The following HTT variants were observed in gnomAD, a reference collection of about 807,000 sequenced individuals.
HTT encodes huntingtin, also known as huntington disease protein.
Under a neutral mutation model 362.3 loss-of-function variants are expected in HTT, and 104 were observed. That is an observed-to-expected ratio of 0.29 (90% confidence interval 0.24 to 0.34). The LOEUF (loss-of-function observed/expected upper bound fraction) is 0.34. Ranked by LOEUF, HTT falls within the 10% of genes least tolerant of loss-of-function variation. HTT has a pLI of 1.00. For synonymous variants in HTT, 1,577 were observed against 1,548.7 expected (o/e 1.02, Z -0.43); for missense variants, 3,301 against 3,928.6 (o/e 0.84, Z 4.27).
At chr4:3,179,428 T>C (rs1718391807) in intron 35 of HTT, among the ~76,000 whole-genome samples, 1 of 152,052 alleles carries the variant, frequency 6.6e-6, no homozygotes, top group Non-Finnish European at 1.5e-5. Flanking sequence ...GGTCAGAGAG[T>C]ATACCCATGC....
intron 29 of HTT, among the ~76,000 whole-genome samples, chr4:3,163,474 T>C (rs1197814910): frequency 6.6e-6 from 1 of 152,216 alleles, no homozygotes; most frequent in Non-Finnish European, 1.5e-5. Flanking sequence ...TCTTTTTCTA[T>C]TGATTGGAAT....
chr4:3,179,605 G>T (rs1358165937), intron 35 of HTT, among the ~76,000 whole-genome samples: 1 of 150,508 alleles, frequency 6.6e-6, no homozygotes. Context: ...GTGTGTGTAC[G>T]TGTGTGTGTG....
chr4:3,089,367 C>T (rs1713383179), intron 2 of HTT, among the ~76,000 whole-genome samples: 1 of 152,194 alleles, frequency 6.6e-6, no homozygotes, highest in Admixed American at 6.5e-5. Flanking sequence ...TATTCTCCTG[C>T]CCCAGCCTCC....
chr4:3,175,004 A>T lies in HTT; in HGVS notation c.4304A>T (p.Gln1435Leu). 1.2e-6 allele frequency: 2 copies of T among 1,612,636 alleles called. No homozygotes were observed. The highest frequency in any genetic ancestry group is 1.7e-6 in the Non-Finnish European group (2 of 1,178,722). The change falls in exon 33 of 67, where the codon CAG becomes CTG. Residue 1435 changes from glutamine to leucine, a missense_variant. By Grantham distance (113) the Gln-to-Leu change is moderately radical. Around this residue, in one of 4 missense-constraint regions of HTT, gnomAD observed 2,316 missense variants for 2,658.5 expected, o/e 0.87. Coordinates refer to ENST00000355072, the MANE Select transcript of HTT (RefSeq NM_001388492.1). ...FEPLVIKALK[Q>L]YTTTTCVQLQ... Reference sequence around the variant, plus strand: ...CCTCTTGTTATAAAAGCTTTAAAACAGTACACGACTACAACATGTGTGCAG... The same window carrying T: ...CCTCTTGTTATAAAAGCTTTAAAACTGTACACGACTACAACATGTGTGCAG...
chr4:3,176,025 G>GTTTTTTTTTT lies in HTT; in HGVS notation c.4407+927_4407+928insTTTTTTTTTT, dbSNP rs777646822. The stretch of plus-strand genomic sequence containing the variant: ...CTTGTTTTTTTTGTTGTTGTTGTTT[G>GTTTTTTTTTT]TTTTTTTTTGTTTTTTTTTTGAGAT... On this transcript the variant is annotated intron_variant, in intron 33 of 66. Transcript: ENST00000355072. Among the ~76,000 whole-genome samples the GTTTTTTTTTT allele has an allele frequency of 5.4e-4, 75 of 139,172 alleles. 4 individuals are homozygous for GTTTTTTTTTT. Among genetic ancestry groups the GTTTTTTTTTT allele is most frequent in the African/African-American group, 1.8e-3 (60 of 33,736 alleles). The allele number at this position is 139,172 out of a possible 152,430, so 91.3% of individuals were successfully genotyped here. A position where few individuals can be genotyped will look rare whatever the true frequency, so the allele number is the denominator to read the frequency against.
rs372086384 is a variant in HTT at position 3,107,413 on chromosome 4, A to G, written c.737A>G (p.Asn246Ser). The G allele has an allele frequency of 1.3e-5, 21 of 1,614,084 alleles. No homozygotes were observed. Among genetic ancestry groups the G allele is most frequent in the Middle Eastern group, 1.6e-4 (1 of 6,084 alleles). Residue 246 changes from asparagine (N) to serine (S), a missense_variant, in exon 6 of 67, where the codon AAT (asparagine) becomes AGT (serine). Physicochemically the swap from Asn to Ser is conservative, Grantham distance 46 (BLOSUM62 1). This residue lies in a region of HTT where 2,316 missense variants were observed against 2,658.5 expected (regional missense o/e 0.87). Transcript: ENST00000355072. ...TCTTTTGGCAATTTTGCAAATGACA[A>G]TGAAATTAAGGTATGATTGTTGCCT... ...MASFGNFANDNEIKVLLKAFI... is the reference protein window; with the variant it reads ...MASFGNFANDSEIKVLLKAFI...
chr4:3,212,773 G>GT, intron 49 of HTT, 64 bp downstream of exon 49: 1 of 1,547,116 alleles, frequency 6.5e-7, no homozygotes, highest in South Asian at 1.1e-5. Flanking sequence ...ACACTGAAGA[G>GT]GGTAAAGCAG....
chr4:3,188,909 G>T (rs1375833394), intron 39 of HTT, 42 bp from the exon 40 acceptor site: 8 of 1,594,462 alleles, frequency 5.0e-6, no homozygotes, highest in Non-Finnish European at 6.9e-6. Context: ...GTGCTTTATA[G>T]TAGTCACCTA....
At chr4:3,208,299 G>A (rs946735530) in intron 45 of HTT, among the ~76,000 whole-genome samples, 1 of 152,120 alleles carries the variant, frequency 6.6e-6, no homozygotes, top group Non-Finnish European at 1.5e-5. Flanking sequence ...TCCAGATGAG[G>A]GAGATTAAAA....
In HTT at chr4:3,131,719, C is replaced by T. The variant is rs772494183; in HGVS notation, c.2180C>T (p.Pro727Leu). Reference protein sequence around the residue: ...SCVGAAVALHPESFFSKLYKV... With the variant: ...SCVGAAVALHLESFFSKLYKV... ...GTGGGAGCAGCTGTGGCCCTCCACCCGGAATCTTTCTTCAGCAAACTCTAT... is the reference window on the plus strand; with the variant it reads ...GTGGGAGCAGCTGTGGCCCTCCACCTGGAATCTTTCTTCAGCAAACTCTAT... Residue 727 changes from proline to leucine, a missense_variant, in exon 16 of 67, where the codon CCG (proline) becomes CTG (leucine). Physicochemically the swap from Pro to Leu is moderately conservative, Grantham distance 98. Coordinates refer to ENST00000355072, the MANE Select transcript of HTT (RefSeq NM_001388492.1). The T allele has an allele frequency of 2.0e-5, 32 of 1,614,038 alleles. No homozygotes were observed. The highest frequency in any genetic ancestry group is 2.5e-5 in the Non-Finnish European group (29 of 1,179,942).
chr4:3,119,084 A>T (rs1203929257), intron 8 of HTT, among the ~76,000 whole-genome samples: 1 of 152,274 alleles, frequency 6.6e-6, no homozygotes, highest in Non-Finnish European at 1.5e-5. Flanking sequence ...ATTGAAAAAT[A>T]GAGGAAGCCC....
At chr4:3,113,055 A>G (rs559291522) in intron 6 of HTT, 12 of 965,300 alleles carry the variant, frequency 1.2e-5, no homozygotes, top group African/African-American at 3.5e-5. Flanking sequence ...TCTTACAGGT[A>G]TGTTGTGCAT....
chr4:3,226,273 C>T (rs755262906), intron 57 of HTT, among the ~76,000 whole-genome samples: 1 of 152,158 alleles, frequency 6.6e-6, no homozygotes, highest in Non-Finnish European at 1.5e-5. Context: ...TAGCAGGTCA[C>T]ATTGGTCTGT....
chr4:3,094,793 G>T (rs901992878), intron 2 of HTT, among the ~76,000 whole-genome samples: 7 of 149,200 alleles, frequency 4.7e-5, no homozygotes, highest in African/African-American at 7.4e-5. Flanking sequence ...GGGCGGAGGG[G>T]CTCCTCACTT....
At chr4:3,151,592 G>T (rs374981031) in intron 26 of HTT, among the ~76,000 whole-genome samples, 93 of 152,274 alleles carry the variant, frequency 6.1e-4, no homozygotes, top group African/African-American at 2.2e-3. Context: ...CCATATCAGA[G>T]CATGAACCCT....
chr4:3,238,730 G>GCCCCCCCCCCCCCCCCCCCCCCCCCCCCC, intron 65 of HTT, 88 bp from the exon 66 acceptor site: 2 of 1,097,038 alleles, frequency 1.8e-6, no homozygotes, highest in Non-Finnish European at 1.3e-6. Context: ...AATGCCTCTG[G>GCCCCCCCCCCCCCCCCCCCCCCCCCCCCC]CCCCCACCCC....
chr4:3,211,267 G>A (rs1046005828), intron 47 of HTT, among the ~76,000 whole-genome samples: 2 of 152,182 alleles, frequency 1.3e-5, no homozygotes, highest in Non-Finnish European at 2.9e-5. Flanking sequence ...AATTTGCTTA[G>A]TGATCTGTTT....
chr4:3,105,317 G>T, intron 4 of HTT, 40 bp from the exon 5 acceptor site: 1 of 1,338,770 alleles, frequency 7.5e-7, no homozygotes, highest in Non-Finnish European at 1.1e-6. Flanking sequence ...TTGGTGACTA[G>T]TATGTGACTC....
intron 65 of HTT, 88 bp from the exon 66 acceptor site, chr4:3,238,730 G>GGGCCC: frequency 1.3e-4 from 146 of 1,096,830 alleles, no homozygotes; most frequent in Non-Finnish European, 1.7e-4. Flanking sequence ...AATGCCTCTG[G>GGGCCC]CCCCCACCCC....
Sources: allele counts gnomAD v4.1 joint callset (sites outside exome capture counted in the v4.1 genomes callset), GRCh38; gene constraint gnomAD v4.1.1; regional missense constraint gnomAD v4.1.1; transcripts MANE v1.5; gene names NCBI Gene and HGNC (gene_info 2026-07-23, HGNC 2026-07-21).